The following BRWD1 variants were observed in gnomAD, a reference collection of about 807,000 sequenced individuals.
BRWD1 encodes bromodomain and WD repeat domain containing 1.
BRWD1 carries 82 observed loss-of-function variants against 251.2 expected under a neutral mutation model. The observed-to-expected ratio is 0.33, with a 90% CI of 0.27 to 0.39. BRWD1 has a LOEUF of 0.39. Among genes scored for constraint, BRWD1 ranks in the 10% least tolerant of loss-of-function variants. The pLI is 1.00. For synonymous variants in BRWD1, 918 were observed against 902.8 expected (o/e 1.02, Z -0.30); for missense variants, 2,233 against 2,711.6 (o/e 0.82, Z 3.92).
chr21:39,305,961 G>A (rs963954223), intron 4 of BRWD1, among the ~76,000 whole-genome samples: 1 of 151,996 alleles, frequency 6.6e-6, no homozygotes, highest in Non-Finnish European at 1.5e-5. Context: ...CTGTGCCCAG[G>A]AGTTTGACGC....
chr21:39,220,032 T>A (rs370369493), intron 29 of BRWD1, among the ~76,000 whole-genome samples: 1 of 136,980 alleles, frequency 7.3e-6, no homozygotes, highest in Non-Finnish European at 1.5e-5. Flanking sequence ...TAAAGTGCTT[T>A]AAAAAACACT....
intron 4 of BRWD1, among the ~76,000 whole-genome samples, chr21:39,303,231 T>G (rs1242958449): frequency 2.0e-5 from 3 of 150,494 alleles, no homozygotes; most frequent in Admixed American, 6.6e-5. Context: ...TAAAAAGAAA[T>G]AAAGAGGCCG....
chr21:39,238,015 G>C (rs571301164), intron 22 of BRWD1, among the ~76,000 whole-genome samples: 1 of 151,976 alleles, frequency 6.6e-6, no homozygotes, highest in African/African-American at 2.4e-5. Flanking sequence ...GCCATGTTAC[G>C]GATAGGTGGA....
chr21:39,211,080 A>G (rs2032636268), intron 34 of BRWD1, 151 bp from the exon 35 acceptor site: 1 of 762,844 alleles, frequency 1.3e-6, no homozygotes, highest in South Asian at 2.2e-5. Context: ...TTTTTAAACT[A>G]TGCATGAAAC....
At chr21:39,260,821 G>A (rs982323568) in intron 17 of BRWD1, among the ~76,000 whole-genome samples, 11 of 152,206 alleles carry the variant, frequency 7.2e-5, no homozygotes, top group African/African-American at 2.2e-4. Context: ...GTGAGAGTTT[G>A]CTGGAAGAAG....
rs1487587815 is a variant in BRWD1, at chr21:39,276,353, C to A, written c.1105-140G>T. 3 of 531,476 alleles carry A rather than the reference C, an allele frequency of 5.6e-6. No individual in the cohort carries two copies. The Admixed American group carries it at 1.2e-4, about 21-fold the overall frequency. The allele number at this position is 531,476 out of a possible 1,614,324, so 32.9% of individuals were successfully genotyped here. A position where few individuals can be genotyped will look rare whatever the true frequency, so the allele number is the denominator to read the frequency against. ...TGTGTTGCTTAGCCCTGTCATTCAA[C>A]ATGTTTTATAATTTTAAGTGAAGAC... On this transcript the variant is annotated intron_variant, in intron 11 of 40. Coordinates refer to ENST00000342449, the MANE Select transcript of BRWD1 (RefSeq NM_033656.4).
intron 23 of BRWD1, chr21:39,235,827 C>A (rs1294750300): frequency 5.9e-6 from 1 of 170,012 alleles, no homozygotes. Context: ...CACTGCGGGG[C>A]AGCCCAAGAG....
intron 8 of BRWD1, among the ~76,000 whole-genome samples, chr21:39,281,222 C>T (rs1441926803): frequency 6.6e-6 from 1 of 152,108 alleles, no homozygotes; most frequent in African/African-American, 2.4e-5. Context: ...ACACCAGAAG[C>T]AGCCAAACGA....
chr21:39,196,485 G>A lies in BRWD1; in HGVS notation c.6584C>T (p.Thr2195Ile). The change falls in exon 41 of 41, where the codon ACA becomes ATA. Residue 2195 changes from threonine (T) to isoleucine (I), a missense_variant. This residue lies in a region of BRWD1 where 928 missense variants were observed against 970.0 expected (regional missense o/e 0.96). Coordinates refer to ENST00000342449, the MANE Select transcript of BRWD1 (RefSeq NM_033656.4). ...TCTCACAGTTTTAGATATGTTAGCT[G>A]TAAAAGTTTTACCTTTTCTAACTAC... The part of the protein sequence containing the change: ...AKVVRKGKTF[T>I]ANISKTVRRQ... 6.2e-7 allele frequency: 1 copy of A among 1,613,192 alleles called. No homozygotes were observed. Among genetic ancestry groups the A allele is most frequent in the Non-Finnish European group, 8.5e-7 (1 of 1,179,632 alleles).
At chr21:39,210,700 T>C in intron 35 of BRWD1, 86 bp downstream of exon 35, 1 of 1,435,594 alleles carries the variant, frequency 7.0e-7, no homozygotes, top group Non-Finnish European at 9.3e-7. Flanking sequence ...CCTGGGTATC[T>C]TTCTCTTTAA....
At chr21:39,238,605 T>C in intron 21 of BRWD1, 32 bp from the exon 22 acceptor site, 1 of 1,478,264 alleles carries the variant, frequency 6.8e-7, no homozygotes, top group Non-Finnish European at 9.5e-7. Context: ...AAAATCTTGA[T>C]CCCTGAAGTT....
chr21:39,262,988 C>T (rs1206398602), intron 17 of BRWD1, among the ~76,000 whole-genome samples: 2 of 152,076 alleles, frequency 1.3e-5, no homozygotes, highest in East Asian at 3.9e-4. Context: ...TGTTAGCACA[C>T]GCCTACAGTC....
chr21:39,187,435 G>T lies in BRWD1; in HGVS notation c.*8824C>A. On this transcript the variant is annotated 3_prime_UTR_variant, in exon 41 of 41. Transcript: ENST00000342449. ...AACAAATTCTGAAAAATGAGTGAAAGTTCATGTAAATGCAAAAATCTTGTA... is the reference window on the plus strand; with the variant it reads ...AACAAATTCTGAAAAATGAGTGAAATTTCATGTAAATGCAAAAATCTTGTA... The T allele has an allele frequency of 6.5e-7, 1 of 1,527,808 alleles. No individual in the cohort carries two copies. The highest frequency in any genetic ancestry group is 8.8e-7 in the Non-Finnish European group (1 of 1,141,150). 94.6% of individuals were successfully genotyped at this position (1,527,808 alleles called of 1,614,324 possible). A position where few individuals can be genotyped will look rare whatever the true frequency, so the allele number is the denominator to read the frequency against.
chr21:39,214,582 GA>G (rs938157178), intron 32 of BRWD1, among the ~76,000 whole-genome samples: 35 of 151,792 alleles, frequency 2.3e-4, no homozygotes, highest in African/African-American at 8.2e-4. Context: ...AAAAACTAGT[GA>G]AATCCAAATA....
intron 21 of BRWD1, among the ~76,000 whole-genome samples, chr21:39,239,812 A>G (rs2033929739): frequency 6.6e-6 from 1 of 152,212 alleles, no homozygotes; most frequent in South Asian, 2.1e-4. Context: ...GGAATGCAAA[A>G]TGGTACAGCT....
At chr21:39,230,928 A>T (rs2146549136) in intron 25 of BRWD1, among the ~76,000 whole-genome samples, 1 of 152,292 alleles carries the variant, frequency 6.6e-6, no homozygotes, top group South Asian at 2.1e-4. Context: ...CTCTGAGAGT[A>T]CTGTTTGGGG....
Position 39,187,541 on chromosome 21 carries a change from A to T in BRWD1, c.*8718T>A, listed in dbSNP as rs2031311815. On this transcript the variant is annotated 3_prime_UTR_variant, in exon 41 of 41. Transcript: ENST00000342449. ...AATTTAAAAGTCATATTGCTAAATG[A>T]TAAATTTTAAAATGTGATACTAAGG... 1 of 1,399,412 alleles carries T rather than the reference A, an allele frequency of 7.1e-7. No individual in the cohort carries two copies. The highest frequency in any genetic ancestry group is 3.4e-5 in the Admixed American group (1 of 29,754). The allele number at this position is 1,399,412 out of a possible 1,614,324, so 86.7% of individuals were successfully genotyped here.
At chr21:39,291,222 T>C (rs1005281725) in intron 8 of BRWD1, among the ~76,000 whole-genome samples, 1 of 152,214 alleles carries the variant, frequency 6.6e-6, no homozygotes, top group African/African-American at 2.4e-5. Context: ...CCTTTTATCA[T>C]AAAATTTCAC....
intron 4 of BRWD1, among the ~76,000 whole-genome samples, chr21:39,310,728 T>C (rs2036454490): frequency 6.6e-6 from 1 of 152,226 alleles, no homozygotes; most frequent in East Asian, 1.9e-4. Flanking sequence ...CTCGCTCACC[T>C]AGGCTGGAGC....
Sources: allele counts gnomAD v4.1 joint callset (sites outside exome capture counted in the v4.1 genomes callset), GRCh38; gene constraint gnomAD v4.1.1; regional missense constraint gnomAD v4.1.1; transcripts MANE v1.5; gene names NCBI Gene and HGNC (gene_info 2026-07-23, HGNC 2026-07-21).